The following USP8 variants were observed in gnomAD, a reference collection of about 807,000 sequenced individuals.
USP8 encodes the protein ubiquitin carboxyl-terminal hydrolase 8.
USP8 carries 27 observed loss-of-function variants against 130.0 expected under a neutral mutation model. The observed-to-expected ratio is 0.21, with a 90% CI of 0.15 to 0.29. USP8 has a LOEUF of 0.29. Ranked by LOEUF, USP8 falls within the 10% of genes least tolerant of loss-of-function variation. The pLI is 1.00. For missense variants in USP8, 1,029 were observed against 1,312.2 expected (o/e 0.78, Z 3.33); for synonymous variants, 392 against 444.1 (o/e 0.88, Z 1.48).
chr15:50,466,713 G>A (rs1042012413), intron 7 of USP8: 8 of 207,108 alleles, frequency 3.9e-5, no homozygotes, highest in African/African-American at 1.6e-4. Context: ...AGAGGAACCG[G>A]TCGGTCAGGA....
chr15:50,486,614 T>C (rs1459070042), intron 12 of USP8, among the ~76,000 whole-genome samples: 2 of 152,188 alleles, frequency 1.3e-5, no homozygotes, highest in Non-Finnish European at 2.9e-5. Flanking sequence ...TTGATATTTA[T>C]ACAAAAAAAG....
chr15:50,461,267 C>T (rs2050990433), intron 5 of USP8, among the ~76,000 whole-genome samples: 1 of 151,974 alleles, frequency 6.6e-6, no homozygotes, highest in African/African-American at 2.4e-5. Context: ...GCTGGGATTA[C>T]AGGCGTCAGC....
chr15:50,445,772 G>T (rs2050417162), intron 3 of USP8, among the ~76,000 whole-genome samples: 1 of 150,254 alleles, frequency 6.7e-6, no homozygotes, highest in East Asian at 1.9e-4. Context: ...CAGGCGAATT[G>T]CTTGAACCTG....
intron 10 of USP8, among the ~76,000 whole-genome samples, chr15:50,480,018 C>T (rs1374149088): frequency 2.0e-5 from 3 of 152,152 alleles, no homozygotes; most frequent in Non-Finnish European, 4.4e-5. Flanking sequence ...GGCTCGGCCT[C>T]CCAAAGTGCT....
Position 50,504,466 on chromosome 15 carries a change from G to A in USP8, c.*5378G>A, listed in dbSNP as rs549216906. ...CTGAGCCCAGGAGGTCGAGGCTACA[G>A]TGAGCTGTGACTGAGCCACTGCTCT... On this transcript the variant is annotated 3_prime_UTR_variant, in exon 20 of 20. Transcript: ENST00000307179. 1 of 152,344 alleles carries A rather than the reference G, an allele frequency of 6.6e-6. No individual in the cohort carries two copies. The highest frequency in any genetic ancestry group is 1.5e-5 in the Non-Finnish European group (1 of 68,152). The allele number at this position is 152,344 out of a possible 1,614,324, so 9.4% of individuals were successfully genotyped here.
At chr15:50,456,326 C>G (rs2050788095) in intron 4 of USP8, among the ~76,000 whole-genome samples, 1 of 152,092 alleles carries the variant, frequency 6.6e-6, no homozygotes, top group African/African-American at 2.4e-5. Flanking sequence ...AATCCCAGCA[C>G]TTTGGGAGGC....
At chr15:50,480,375 G>A (rs1411542033) in intron 10 of USP8, among the ~76,000 whole-genome samples, 2 of 152,170 alleles carry the variant, frequency 1.3e-5, no homozygotes, top group East Asian at 3.8e-4. Context: ...ACTGTGCCAG[G>A]CACAGTCTTT....
chr15:50,444,184 A>G (rs951645596), intron 3 of USP8, among the ~76,000 whole-genome samples: 2 of 148,344 alleles, frequency 1.3e-5, no homozygotes, highest in African/African-American at 5.0e-5. Flanking sequence ...GCTCACTGCA[A>G]CCTCCACCTC....
At position 50,487,305 on chromosome 15, in the gene USP8, G is replaced by A. The variant is rs564355876; in HGVS notation, c.1891-2496G>A. 9.9e-5 allele frequency among the ~76,000 whole-genome samples: 15 copies of A among 152,218 alleles called. No homozygotes were observed. In the South Asian group the frequency reaches 2.9e-3, roughly 29 times the overall value. On this transcript the variant is annotated intron_variant, in intron 12 of 19. Transcript: ENST00000307179. ...GAACTTAAGCCTTAGTCAAACAGCA[G>A]TGCTCCAAAAGTGAAACCCAAAGGA...
At chr15:50,493,330 G>T in intron 15 of USP8, 2 of 520,414 alleles carry the variant, frequency 3.8e-6, no homozygotes, top group South Asian at 2.8e-5. Context: ...TAAGCATTTT[G>T]GTGTAGGGCT....
rs1026216628 is a variant in USP8, at chr15:50,514,309, G to C, written c.*15221G>C. On this transcript the variant is annotated 3_prime_UTR_variant, in exon 20 of 20. Transcript: ENST00000307179. The stretch of plus-strand genomic sequence containing the variant: ...GCTGGTAACATTCTGTTTAAACTCT[G>C]TTCTGCTGGTTACATGGGTATGTTC... 4 of 152,168 alleles carry C rather than the reference G, an allele frequency of 2.6e-5. No homozygotes were observed. The highest frequency in any genetic ancestry group is 7.2e-5 in the African/African-American group (3 of 41,432). The allele number at this position is 152,168 out of a possible 1,614,324, so 9.4% of individuals were successfully genotyped here.
intron 7 of USP8, among the ~76,000 whole-genome samples, chr15:50,465,462 C>T: frequency 6.6e-6 from 1 of 152,182 alleles, no homozygotes; most frequent in South Asian, 2.1e-4. Context: ...TGGGATTTCC[C>T]TAAATCTTTG....
intron 8 of USP8, 107 bp downstream of exon 8, chr15:50,471,902 C>CT (rs57729947): frequency 0.23 from 196,136 of 869,366 alleles, 3,648 homozygotes; most frequent in East Asian, 0.35. Flanking sequence ...TTCATCATGC[C>CT]TTTTTTTTTT....
intron 8 of USP8, among the ~76,000 whole-genome samples, chr15:50,473,000 A>C (rs992932806): frequency 6.6e-6 from 1 of 152,228 alleles, no homozygotes; most frequent in Non-Finnish European, 1.5e-5. Flanking sequence ...TAAAATCCAA[A>C]GAGCTTCTAC....
At chr15:50,441,293 T>A in intron 2 of USP8, 56 bp from the exon 3 acceptor site, 2 of 1,491,560 alleles carry the variant, frequency 1.3e-6, no homozygotes, top group South Asian at 2.7e-5. Flanking sequence ...GTATATGACC[T>A]GTATTTTTTC....
At chr15:50,488,552 CTTTTTTTT>C (rs397853938) in intron 12 of USP8, among the ~76,000 whole-genome samples, 3 of 70,894 alleles carry the variant, frequency 4.2e-5, no homozygotes, top group Admixed American at 2.1e-4. Context: ...TCAAGGTTGG[CTTTTTTTT>C]TTTTTTTTTT....
chr15:50,469,316 AGAC>A (rs1256637776), intron 7 of USP8, among the ~76,000 whole-genome samples: 2 of 152,098 alleles, frequency 1.3e-5, no homozygotes, highest in Non-Finnish European at 2.9e-5. Context: ...ATTTAATAAA[AGAC>A]AAGTAGAGCA....
intron 8 of USP8, among the ~76,000 whole-genome samples, chr15:50,475,232 A>C (rs2051522872): frequency 6.6e-6 from 1 of 152,236 alleles, no homozygotes; most frequent in Admixed American, 6.5e-5. Context: ...TTCACTGTTT[A>C]CTAAAAAAAT....
chr15:50,497,383 G>T (rs2052458127), intron 18 of USP8, 152 bp downstream of exon 18: 1 of 890,398 alleles, frequency 1.1e-6, no homozygotes, highest in African/African-American at 1.7e-5. Flanking sequence ...AAGCAGAAAT[G>T]AGACTGTTAG....
Sources: gnomAD v4.1 joint callset for allele counts (sites outside exome capture counted in the v4.1 genomes callset) on GRCh38, gnomAD v4.1.1 for gene constraint, MANE v1.5 for transcripts, NCBI Gene and HGNC (gene_info 2026-07-23, HGNC 2026-07-21) for gene names.